The following SLC12A3 variants were observed in gnomAD, a reference collection of about 807,000 sequenced individuals.
The protein encoded by SLC12A3 is solute carrier family 12 member 3, also known as Na-Cl cotransporter.
Under a neutral mutation model 121.0 loss-of-function variants are expected in SLC12A3, and 104 were observed. That is an observed-to-expected ratio of 0.86 (90% confidence interval 0.73 to 1.01). SLC12A3 has a LOEUF of 1.01. SLC12A3 is among the 50% of genes least tolerant of loss of function. SLC12A3 has a pLI of 0.00. For missense variants in SLC12A3, 1,328 were observed against 1,356.3 expected (o/e 0.98, Z 0.33); for synonymous variants, 536 against 533.4 (o/e 1.00, Z -0.07).
At chr16:56,891,741 C>T (rs1441737253) in intron 19 of SLC12A3, among the ~76,000 whole-genome samples, 1 of 152,146 alleles carries the variant, frequency 6.6e-6, no homozygotes, top group Non-Finnish European at 1.5e-5. Context: ...GGGTGCAGGG[C>T]GTAGTGGCCA....
intron 12 of SLC12A3, 30 bp from the exon 13 acceptor site, chr16:56,882,366 G>C: frequency 6.3e-7 from 1 of 1,584,074 alleles, no homozygotes; most frequent in South Asian, 1.1e-5. Flanking sequence ...TGCCCAACAG[G>C]CTGTCCTCTC....
intron 16 of SLC12A3, among the ~76,000 whole-genome samples, 182 bp downstream of exon 16, chr16:56,886,657 G>A (rs2055316076): frequency 6.6e-6 from 1 of 152,124 alleles, no homozygotes; most frequent in African/African-American, 2.4e-5. Flanking sequence ...GGGGGCCGAG[G>A]GGATGCGGAG....
At chr16:56,899,791 C>T (rs2055514301) in intron 23 of SLC12A3, among the ~76,000 whole-genome samples, 175 bp downstream of exon 23, 1 of 152,248 alleles carries the variant, frequency 6.6e-6, no homozygotes, top group Non-Finnish European at 1.5e-5. Context: ...GGCCTGTCCC[C>T]TCCCTGGGGC....
At chr16:56,870,042 C>T in intron 4 of SLC12A3, 54 bp from the exon 5 acceptor site, 2 of 1,605,192 alleles carry the variant, frequency 1.2e-6, no homozygotes, top group Non-Finnish European at 1.7e-6. Context: ...GCCCTGAGTC[C>T]ACCCCAGCCA....
intron 10 of SLC12A3, 91 bp from the exon 11 acceptor site, chr16:56,879,451 G>T: frequency 8.5e-7 from 1 of 1,181,048 alleles, no homozygotes. Context: ...TCAGGACCCA[G>T]CCCCTGCCCG....
At chr16:56,896,618 T>C (rs2055465619) in intron 22 of SLC12A3, among the ~76,000 whole-genome samples, 1 of 151,990 alleles carries the variant, frequency 6.6e-6, no homozygotes, top group Admixed American at 6.6e-5. Context: ...CTGTGAATGG[T>C]GGCATGTGCC....
rs16963619 is a variant in SLC12A3 at position 56,906,905 on chromosome 16, G to A, written c.2924+2443G>A. The A allele has an allele frequency of 6.3e-3, 3,148 of 500,654 alleles. 76 individuals carry two copies. The highest frequency in any genetic ancestry group is 0.056 in the African/African-American group (2,821 of 50,060). The allele number at this position is 500,654 out of a possible 1,614,324, so 31.0% of individuals were successfully genotyped here. A position where few individuals can be genotyped will look rare whatever the true frequency, so the allele number is the denominator to read the frequency against. On this transcript the variant is annotated intron_variant, in intron 25 of 25. Coordinates refer to ENST00000563236, the MANE Select transcript of SLC12A3 (RefSeq NM_001126108.2). The stretch of plus-strand genomic sequence containing the variant: ...AAGTTAAGGGGACTGTAAAGGCCAC[G>A]TTGGTGCTGGCAAAAGGTGGGCTGG...
intron 9 of SLC12A3, among the ~76,000 whole-genome samples, chr16:56,878,466 A>G (rs1311987194): frequency 2.9e-5 from 3 of 102,026 alleles, no homozygotes; most frequent in Non-Finnish European, 4.4e-5. Context: ...TCTAGGAGTG[A>G]TGATGATGAT....
Position 56,875,054 on chromosome 16 carries a change from C to G in SLC12A3, c.1095+2268C>G, listed in dbSNP as rs566602271. 4.6e-5 allele frequency among the ~76,000 whole-genome samples: 7 copies of G among 152,312 alleles called. No individual in the cohort carries two copies. The South Asian group carries it at 1.4e-3, about 32-fold the overall frequency. Reference sequence around the variant, plus strand: ...CCATGCAGTCTCATTAGATCGTTGCCTGGGAATTTATCTCGATGCCTCATC... The same window carrying G: ...CCATGCAGTCTCATTAGATCGTTGCGTGGGAATTTATCTCGATGCCTCATC... On this transcript the variant is annotated intron_variant, in intron 8 of 25. Coordinates refer to ENST00000563236, the MANE Select transcript of SLC12A3 (RefSeq NM_001126108.2).
In SLC12A3 at chr16:56,879,400, A is replaced by T. The variant is rs1211242098; in HGVS notation, c.1336-142A>T. ...GTCCAGTCCCGACTTGTGGGTGGAC[A>T]CTGGGATCTCCAGGGGTGGGTTGTG... is the stretch of plus-strand genomic sequence containing the variant. On this transcript the variant is annotated intron_variant, in intron 10 of 25. Coordinates refer to ENST00000563236, the MANE Select transcript of SLC12A3 (RefSeq NM_001126108.2). 12 of 1,045,838 alleles carry T rather than the reference A, an allele frequency of 1.1e-5. No homozygotes were observed. The African/African-American group carries it at 1.9e-4, about 16-fold the overall frequency. 64.8% of individuals were successfully genotyped at this position (1,045,838 alleles called of 1,614,324 possible).
chr16:56,903,004 CT>C (rs1168838486), intron 24 of SLC12A3, among the ~76,000 whole-genome samples: 1 of 152,066 alleles, frequency 6.6e-6, no homozygotes, highest in Non-Finnish European at 1.5e-5. Flanking sequence ...AAAAAATTAG[CT>C]GGGCATGGTG....
rs150046661 is a variant in SLC12A3, at chr16:56,872,459, C to T, written c.961C>T (p.Arg321Trp). Residue 321 changes from arginine (R) to tryptophan (W), a missense_variant, in exon 7 of 26, where the codon CGG becomes TGG. Arg to Trp is a moderately radical substitution (Grantham distance 101). Coordinates refer to ENST00000563236, the MANE Select transcript of SLC12A3 (RefSeq NM_001126108.2). ...DKASKGFFSY[R>W]ADIFVQNLVP... ...GGCCTCCAAAGGCTTCTTCAGCTACCGGGGTATGTGCTGATCAAGGCCCTG... is the reference window on the plus strand; with the variant it reads ...GGCCTCCAAAGGCTTCTTCAGCTACTGGGGTATGTGCTGATCAAGGCCCTG... 6.0e-5 allele frequency: 96 copies of T among 1,612,016 alleles called. No homozygotes were observed. The highest frequency in any genetic ancestry group is 7.0e-5 in the Non-Finnish European group (83 of 1,178,250).
intron 1 of SLC12A3, 85 bp from the exon 2 acceptor site, chr16:56,866,985 G>T: frequency 5.1e-6 from 8 of 1,563,474 alleles, no homozygotes; most frequent in Non-Finnish European, 7.0e-6. Context: ...GGTATGGGGC[G>T]CAGTGGTGCA....
intron 25 of SLC12A3, among the ~76,000 whole-genome samples, chr16:56,911,393 A>C (rs765437970): frequency 7.2e-5 from 11 of 152,094 alleles, no homozygotes; most frequent in Non-Finnish European, 1.5e-4. Flanking sequence ...TGGCGCAATC[A>C]TGCTCACTGC....
At chr16:56,901,272 C>T (rs2055534066) in intron 23 of SLC12A3, among the ~76,000 whole-genome samples, 1 of 152,002 alleles carries the variant, frequency 6.6e-6, no homozygotes, top group African/African-American at 2.4e-5. Flanking sequence ...TTACTCTGTC[C>T]CAGGTGAGCT....
rs1047047559 is a variant in SLC12A3 at position 56,882,352 on chromosome 16, G to A, written c.1568-44G>A. ...GAGGGTGCCAAGCCAGTCCTTGGCA[G>A]AGTTGCCCAACAGGCTGTCCTCTCT... On this transcript the variant is annotated intron_variant, in intron 12 of 25. Transcript: ENST00000563236. 5.2e-6 allele frequency: 8 copies of A among 1,533,344 alleles called. No homozygotes were observed. In the Admixed American group the frequency reaches 1.3e-4, roughly 26 times the overall value. The allele number at this position is 1,533,344 out of a possible 1,614,324, so 95.0% of individuals were successfully genotyped here.
intron 22 of SLC12A3, among the ~76,000 whole-genome samples, chr16:56,898,986 G>A (rs542058008): frequency 1.5e-4 from 23 of 152,322 alleles, no homozygotes; most frequent in Middle Eastern, 3.4e-3. Context: ...CAGCAGATGC[G>A]TAGACATGTG....
intron 11 of SLC12A3, 104 bp downstream of exon 11, chr16:56,879,753 C>T: frequency 1.2e-6 from 1 of 829,584 alleles, no homozygotes; most frequent in Non-Finnish European, 2.0e-6. Flanking sequence ...CTGAAGGTGT[C>T]ATTAGACTGG....
intron 12 of SLC12A3, 108 bp downstream of exon 12, chr16:56,880,361 C>A: frequency 7.2e-7 from 1 of 1,394,126 alleles, no homozygotes. Context: ...CCCGCCGGGC[C>A]TGACAGTTAG....
Sources: gnomAD v4.1 joint callset for allele counts (sites outside exome capture counted in the v4.1 genomes callset) on GRCh38, gnomAD v4.1.1 for gene constraint, MANE v1.5 for transcripts, NCBI Gene and HGNC (gene_info 2026-07-23, HGNC 2026-07-21) for gene names.